Variants in YAE1 observed in about 807,000 individuals in gnomAD.
YAE1 encodes YAE1 maturation factor of ABCE1.
Under a neutral mutation model 23.0 loss-of-function variants are expected in YAE1, and 22 were observed. The observed-to-expected ratio is 0.96, with a 90% CI of 0.68 to 1.37. The LOEUF is 1.37. Among genes scored for constraint, YAE1 ranks in the 40% most tolerant of loss-of-function variants. The pLI is 0.00. For synonymous variants in YAE1, 101 were observed against 97.0 expected (o/e 1.04, Z -0.24); for missense variants, 260 against 262.1 (o/e 0.99, Z 0.06).
chr7:39,599,613 TAATTATAG>T (rs1222056672), intron 2 of YAE1, among the ~76,000 whole-genome samples: 1 of 152,114 alleles, frequency 6.6e-6, no homozygotes, highest in African/African-American at 2.4e-5. Context: ...TTACCTCCTA[TAATTATAG>T]AATTATAGTA....
At chr7:39,605,850 G>A (rs188805050) in intron 2 of YAE1, among the ~76,000 whole-genome samples, 76 of 152,096 alleles carry the variant, frequency 5.0e-4, no homozygotes, top group Middle Eastern at 6.8e-3. Context: ...CTAGATTATC[G>A]TTTTTACTTC....
chr7:39,611,261 C>T (rs1791211645), downstream of YAE1, among the ~76,000 whole-genome samples: 1 of 152,150 alleles, frequency 6.6e-6, no homozygotes, highest in Non-Finnish European at 1.5e-5. Flanking sequence ...AAACTGGAGA[C>T]TGGCCTTTGA....
rs1327895048 is a variant in YAE1, at chr7:39,572,488, G to A, written c.463G>A (p.Ala155Thr). The A allele has an allele frequency of 3.1e-6, 5 of 1,613,974 alleles. No homozygotes were observed. Among genetic ancestry groups the A allele is most frequent in the Non-Finnish European group, 4.2e-6 (5 of 1,179,964 alleles). Residue 155 changes from alanine (A) to threonine (T), a missense_variant, in exon 3 of 3, where the codon GCT (alanine) becomes ACT (threonine). By Grantham distance (58) the Ala-to-Thr change is moderately conservative (BLOSUM62 0). Coordinates refer to ENST00000223273, the MANE Select transcript of YAE1 (RefSeq NM_020192.5). The stretch of plus-strand genomic sequence containing the variant: ...TCCAGCTGAGAAAAAGATTGATGAA[G>A]CTAAAGATGAAAGACTCTGTGAAAA... Reference protein sequence around the residue: ...VVPAEKKIDEAKDERLCENNA... With the variant: ...VVPAEKKIDETKDERLCENNA...
rs1790550829 is a variant in YAE1 at position 39,570,634 on chromosome 7, T to C, written c.251+7T>C. ...GACTCCGAGGAACATTGAGGTAATT[T>C]TTAAAGTCTAAATGCTGAATCATTT... On this transcript the variant is annotated splice_region_variant and intron_variant, in intron 2 of 2. Coordinates refer to ENST00000223273, the MANE Select transcript of YAE1 (RefSeq NM_020192.5). 6.3e-7 allele frequency: 1 copy of C among 1,589,066 alleles called. No homozygotes were observed. The highest frequency in any genetic ancestry group is 8.5e-7 in the Non-Finnish European group (1 of 1,174,424).
chr7:39,575,642 C>A (rs1044214559), downstream of YAE1, among the ~76,000 whole-genome samples: 2 of 151,902 alleles, frequency 1.3e-5, no homozygotes, highest in Admixed American at 1.3e-4. Flanking sequence ...CAGAAATTCT[C>A]AAATCTCTGT....
chr7:39,570,182 C>T (rs1357591757), intron 1 of YAE1: 2 of 687,106 alleles, frequency 2.9e-6, no homozygotes, highest in East Asian at 5.2e-5. Context: ...AACTGCAAGA[C>T]TCCTGGAGGG....
At chr7:39,592,562 C>A (rs140818069) in intron 2 of YAE1, among the ~76,000 whole-genome samples, 3 of 151,960 alleles carry the variant, frequency 2.0e-5, no homozygotes, top group Admixed American at 1.3e-4. Context: ...CCAATAAAGC[C>A]GTAGTAAAGT....
chr7:39,608,944 A>C (rs1250023918), intron 2 of YAE1, among the ~76,000 whole-genome samples: 2 of 152,228 alleles, frequency 1.3e-5, no homozygotes, highest in African/African-American at 4.8e-5. Context: ...GTCAGGGTTC[A>C]TTTTATACCA....
intron 2 of YAE1, chr7:39,609,459 G>C: frequency 1.1e-6 from 1 of 913,160 alleles, no homozygotes; most frequent in Non-Finnish European, 1.6e-6. Context: ...TTATCAAATT[G>C]GGAGAATGGG....
downstream of YAE1, among the ~76,000 whole-genome samples, chr7:39,573,098 A>G (rs991089289): frequency 5.4e-5 from 8 of 147,236 alleles, no homozygotes; most frequent in African/African-American, 2.2e-4. Context: ...TTATAAAAAT[A>G]ACTTAATAGT....
At chr7:39,577,448 A>G (rs1790671483), downstream of YAE1, among the ~76,000 whole-genome samples, 2 of 151,574 alleles carry the variant, frequency 1.3e-5, no homozygotes, top group African/African-American at 2.4e-5. Context: ...GTGGAGTGAG[A>G]GTGGCGAGCC....
chr7:39,595,213 C>T (rs78029962), intron 2 of YAE1, among the ~76,000 whole-genome samples: 8,268 of 152,010 alleles, frequency 0.054, 290 homozygotes, highest in East Asian at 0.12. Context: ...TGAGTAGAAA[C>T]ATTATAGACT....
intron 2 of YAE1, among the ~76,000 whole-genome samples, chr7:39,607,453 T>A (rs1259298683): frequency 1.4e-5 from 2 of 148,026 alleles, no homozygotes; most frequent in Non-Finnish European, 2.9e-5. Context: ...ATTGCTGGAT[T>A]TGAAAGTGAA....
intron 2 of YAE1, among the ~76,000 whole-genome samples, chr7:39,605,044 T>C (rs868501857): frequency 6.6e-6 from 1 of 152,222 alleles, no homozygotes; most frequent in Non-Finnish European, 1.5e-5. Flanking sequence ...CAAAATAGCA[T>C]AGACCTATCT....
chr7:39,595,379 G>A (rs1790960276), intron 2 of YAE1, among the ~76,000 whole-genome samples: 1 of 152,020 alleles, frequency 6.6e-6, no homozygotes, highest in South Asian at 2.1e-4. Context: ...TTCACATCCA[G>A]TGTCATAATC....
chr7:39,610,761 G>T (rs546025877), downstream of YAE1, among the ~76,000 whole-genome samples: 1 of 152,300 alleles, frequency 6.6e-6, no homozygotes, highest in Admixed American at 6.5e-5. Flanking sequence ...TTAATGCTTT[G>T]TGACTATATA....
Position 39,598,797 on chromosome 7 carries a change from A to AAGAAGAAG in YAE1, c.252-10819_252-10818insGAAGAAGA, listed in dbSNP as rs57546427. Among the ~76,000 whole-genome samples, 519 of 148,376 alleles carry AAGAAGAAG rather than the reference A, an allele frequency of 3.5e-3. 2 individuals are homozygous for AAGAAGAAG. Among genetic ancestry groups the AAGAAGAAG allele is most frequent in the African/African-American group, 0.012 (479 of 38,676 alleles). On this transcript the variant is annotated intron_variant, in intron 2 of 2. Coordinates refer to the YAE1 transcript ENST00000432096. Reference sequence around the variant, plus strand: ...GAGGTCCTGTCTCAAAAAAAAAAAAAAAGAAGAAGAAGAAGAAGGCAACAA... The same window carrying AAGAAGAAG: ...GAGGTCCTGTCTCAAAAAAAAAAAAAAGAAGAAGAAGAAGAAGAAGAAGAAGGCAACAA...
At chr7:39,609,835 C>T (rs769047639) in exon 3 of YAE1, 3 of 1,533,188 alleles carry the variant, frequency 2.0e-6, no homozygotes, top group South Asian at 2.4e-5. Context: ...GCCCCAGGCC[C>T]TGGGACGCCG....
intron 2 of YAE1, among the ~76,000 whole-genome samples, chr7:39,599,002 G>C (rs924627829): frequency 1.3e-5 from 2 of 151,952 alleles, no homozygotes; most frequent in African/African-American, 4.8e-5. Context: ...CACTCTGTTG[G>C]GAGGCCAAGG....
Sources: allele counts gnomAD v4.1 joint callset (sites outside exome capture counted in the v4.1 genomes callset), GRCh38; gene constraint gnomAD v4.1.1; transcripts MANE v1.5; gene names NCBI Gene and HGNC (gene_info 2026-07-23, HGNC 2026-07-21).